Variants in GK5 observed in about 807,000 individuals in gnomAD.
GK5 encodes ATP:glycerol 3-phosphotransferase 5.
In GK5, 39 loss-of-function variants were observed where a neutral mutation model predicts 77.3. The observed-to-expected ratio is 0.50, with a 90% CI of 0.39 to 0.66. GK5 has a LOEUF of 0.66. Among genes scored for constraint, GK5 ranks in the 30% least tolerant of loss-of-function variants. The pLI is 0.00. For missense variants in GK5, 487 were observed against 633.8 expected (o/e 0.77, Z 2.49); for synonymous variants, 211 against 208.0 (o/e 1.01, Z -0.13).
At chr3:142,178,557 G>A (rs907684880) in intron 11 of GK5, among the ~76,000 whole-genome samples, 27 of 152,074 alleles carry the variant, frequency 1.8e-4, no homozygotes, top group Admixed American at 7.2e-4. Flanking sequence ...GTTAAACATC[G>A]TACTCGTGAG....
rs530805877 is a variant in GK5 at position 142,178,725 on chromosome 3, C to T, written c.1049-1149G>A. Among the ~76,000 whole-genome samples, 6 of 152,266 alleles carry T rather than the reference C, an allele frequency of 3.9e-5. No homozygotes were observed. The South Asian group carries it at 8.3e-4, about 21-fold the overall frequency. ...GCTAATAGAAACAGATCCCAATGAA[C>T]ATTCATGTACATTATTTTTGGTGGA... On this transcript the variant is annotated intron_variant, in intron 11 of 15. Transcript: ENST00000392993.
chr3:142,201,400 T>C (rs2064019405), intron 4 of GK5, among the ~76,000 whole-genome samples: 1 of 152,220 alleles, frequency 6.6e-6, no homozygotes, highest in Non-Finnish European at 1.5e-5. Context: ...TTTAAAAGTA[T>C]AATCCTATGT....
chr3:142,225,411 C>T lies in GK5; in HGVS notation c.45G>A (p.Pro15=), dbSNP rs771958856. 5.6e-6 allele frequency: 9 copies of T among 1,600,888 alleles called. No homozygotes were observed. The South Asian group carries it at 9.0e-5, about 16-fold the overall frequency. The change falls in exon 1 of 16, where the codon CCG becomes CCA. Residue 15 remains proline, a synonymous_variant. Coordinates refer to ENST00000392993, the MANE Select transcript of GK5 (RefSeq NM_001039547.3). ...LTDPEQRAQE[P]RYPGFVLGLD... ...GCCCCAGCACGAAGCCGGGGTACCGCGGCTCCTGCGCTCTCTGCTCCGGGT... is the reference window on the plus strand; with the variant it reads ...GCCCCAGCACGAAGCCGGGGTACCGTGGCTCCTGCGCTCTCTGCTCCGGGT...
At chr3:142,168,774 A>AG (rs2063502549) in intron 15 of GK5, among the ~76,000 whole-genome samples, 1 of 119,896 alleles carries the variant, frequency 8.3e-6, no homozygotes, top group African/African-American at 3.3e-5. Flanking sequence ...CAGTGCCTTC[A>AG]GGATCAGGTC....
chr3:142,208,015 G>A (rs1203601343), intron 3 of GK5, among the ~76,000 whole-genome samples: 3 of 152,116 alleles, frequency 2.0e-5, no homozygotes, highest in Non-Finnish European at 4.4e-5. Context: ...AATCTTGGAT[G>A]AAATTACAAA....
intron 1 of GK5, among the ~76,000 whole-genome samples, chr3:142,218,377 CAAA>C: frequency 7.9e-6 from 1 of 126,060 alleles, no homozygotes; most frequent in East Asian, 2.3e-4. Flanking sequence ...TACTAAAATA[CAAA>C]AAAAAAAAAA....
chr3:142,173,197 T>G, intron 12 of GK5: 1 of 413,178 alleles, frequency 2.4e-6, no homozygotes, highest in Non-Finnish European at 4.7e-6. Context: ...TGAGACAGGG[T>G]CTAAAAAAAA....
At chr3:142,209,306 T>C in intron 3 of GK5, among the ~76,000 whole-genome samples, 1 of 152,212 alleles carries the variant, frequency 6.6e-6, no homozygotes, top group East Asian at 1.9e-4. Flanking sequence ...ATGTGCTATA[T>C]GTTCAAATGT....
chr3:142,158,077 G>A lies in GK5; in HGVS notation c.*7545C>T, dbSNP rs1165463108. 3.3e-5 allele frequency: 5 copies of A among 151,840 alleles called. No individual in the cohort carries two copies. Among genetic ancestry groups the A allele is most frequent in the African/African-American group, 1.2e-4 (5 of 41,260 alleles). The allele number at this position is 151,840 out of a possible 1,614,324, so 9.4% of individuals were successfully genotyped here. On this transcript the variant is annotated 3_prime_UTR_variant, in exon 16 of 16. Transcript: ENST00000392993. ...TGCCATTCTCTTGCCTCAGCCTCCC[G>A]AGTAGCTGGGAGTACAGGCACCCGC...
At chr3:142,181,069 C>T (rs961900048) in intron 11 of GK5, among the ~76,000 whole-genome samples, 1 of 152,152 alleles carries the variant, frequency 6.6e-6, no homozygotes, top group Non-Finnish European at 1.5e-5. Flanking sequence ...AATTATCGTA[C>T]GTGAACAGCA....
chr3:142,222,624 T>C (rs1205970817), intron 1 of GK5, among the ~76,000 whole-genome samples: 2 of 152,050 alleles, frequency 1.3e-5, no homozygotes, highest in African/African-American at 4.8e-5. Context: ...ATTAAGTTTC[T>C]AGTCCTAGTG....
At chr3:142,211,748 C>G (rs546360420) in intron 3 of GK5, among the ~76,000 whole-genome samples, 2 of 152,250 alleles carry the variant, frequency 1.3e-5, no homozygotes, top group East Asian at 3.9e-4. Context: ...GAGCTATGAT[C>G]GTGCCACTGC....
chr3:142,164,253 G>C lies in GK5; in HGVS notation c.*1369C>G, dbSNP rs1246632962. On this transcript the variant is annotated 3_prime_UTR_variant, in exon 16 of 16. Transcript: ENST00000392993. ...AAATTCTCTATAAATCTCTCCATTA[G>C]TTACATTACTATGTAACTAAAATAG... is the stretch of plus-strand genomic sequence containing the variant. The C allele has an allele frequency of 6.6e-6, 1 of 152,100 alleles. No individual in the cohort carries two copies. Among genetic ancestry groups the C allele is most frequent in the Non-Finnish European group, 1.5e-5 (1 of 68,026 alleles). 9.4% of individuals were successfully genotyped at this position (152,100 alleles called of 1,614,324 possible). A position where few individuals can be genotyped will look rare whatever the true frequency, so the allele number is the denominator to read the frequency against.
At position 142,165,694 on chromosome 3, in the gene GK5, T is replaced by G; in HGVS notation, c.1518A>C (p.Gln506His). 6.2e-7 allele frequency: 1 copy of G among 1,613,544 alleles called. No individual in the cohort carries two copies. Reference sequence around the variant, plus strand: ...AGTTTTCCAGACTCATTTCATATTCTTGACATTTCTTCTGTGGCTTGAAAA... The same window carrying G: ...AGTTTTCCAGACTCATTTCATATTCGTGACATTTCTTCTGTGGCTTGAAAA... ...EVVFKPQKKC[Q>H]EYEMSLENWA... is the part of the protein sequence containing the mutation. Residue 506 changes from glutamine to histidine, a missense_variant, in exon 16 of 16, where the codon CAA (glutamine) becomes CAC (histidine). This residue lies in a region of GK5 where 65 missense variants were observed against 89.9 expected (regional missense o/e 0.72). Coordinates refer to ENST00000392993, the MANE Select transcript of GK5 (RefSeq NM_001039547.3).
chr3:142,198,660 C>A, intron 5 of GK5, 142 bp downstream of exon 5: 1 of 661,814 alleles, frequency 1.5e-6, no homozygotes. Flanking sequence ...CTTTGTCTTC[C>A]ATTCCAATAT....
At position 142,165,582 on chromosome 3, in the gene GK5, A is replaced by C; in HGVS notation, c.*40T>G. Reference sequence around the variant, plus strand: ...GAGCTTCATCTCATCTGCACGTCACATAAACCAGCTACCTATGGTTTTGAT... The same window carrying C: ...GAGCTTCATCTCATCTGCACGTCACCTAAACCAGCTACCTATGGTTTTGAT... On this transcript the variant is annotated 3_prime_UTR_variant, in exon 16 of 16. Transcript: ENST00000392993. The C allele has an allele frequency of 6.5e-7, 1 of 1,528,252 alleles. No individual in the cohort carries two copies. Among genetic ancestry groups the C allele is most frequent in the Non-Finnish European group, 8.9e-7 (1 of 1,129,120 alleles). The allele number at this position is 1,528,252 out of a possible 1,614,324, so 94.7% of individuals were successfully genotyped here. A position where few individuals can be genotyped will look rare whatever the true frequency, so the allele number is the denominator to read the frequency against.
chr3:142,177,458 C>T (rs951366025), intron 12 of GK5, 24 bp downstream of exon 12: 2 of 1,290,614 alleles, frequency 1.5e-6, no homozygotes, highest in Non-Finnish European at 1.1e-6. Context: ...TTTGTGATTG[C>T]CATTAACTTT....
At position 142,211,806 on chromosome 3, in the gene GK5, A is replaced by T. The variant is rs151314276; in HGVS notation, c.317+1720T>A. Among the ~76,000 whole-genome samples the T allele has an allele frequency of 1.2e-3, 178 of 152,212 alleles. 1 individual carries two copies. Among genetic ancestry groups the T allele is most frequent in the African/African-American group, 4.0e-3 (167 of 41,536 alleles). ...GAAGACCTCATCCCCCAAAAATGAAAATAAAAAGATCCTATCTGATGGAGA... is the reference window on the plus strand; with the variant it reads ...GAAGACCTCATCCCCCAAAAATGAATATAAAAAGATCCTATCTGATGGAGA... On this transcript the variant is annotated intron_variant, in intron 3 of 15. Coordinates refer to ENST00000392993, the MANE Select transcript of GK5 (RefSeq NM_001039547.3).
At chr3:142,187,817 C>A (rs1365899302) in intron 5 of GK5, 38 bp from the exon 6 acceptor site, 2 of 1,463,760 alleles carry the variant, frequency 1.4e-6, no homozygotes, top group South Asian at 1.2e-5. Context: ...TTCAAAAAGG[C>A]TAAATTACTA....
Sources: allele counts gnomAD v4.1 joint callset (sites outside exome capture counted in the v4.1 genomes callset), GRCh38; gene constraint gnomAD v4.1.1; regional missense constraint gnomAD v4.1.1; transcripts MANE v1.5; gene names NCBI Gene and HGNC (gene_info 2026-07-23, HGNC 2026-07-21).